Variants in SDK1 observed in about 807,000 individuals in gnomAD.
The protein encoded by SDK1 is protein sidekick-1.
A neutral mutation model predicts 245.5 loss-of-function variants in SDK1; 157 were observed. The ratio of observed to expected loss-of-function variants is 0.64; its 90% CI spans 0.56 to 0.73. SDK1 has a LOEUF of 0.73. Ranked by LOEUF, SDK1 falls within the 30% of genes least tolerant of loss-of-function variation. The probability of loss-of-function intolerance (pLI) is 0.00; values close to 1 mark genes in which losing one functional copy is unlikely to be tolerated. For synonymous variants in SDK1, 1,647 were observed against 1,278.5 expected (o/e 1.29, Z -6.15); for missense variants, 3,583 against 3,002.3 (o/e 1.19, Z -4.52).
chr7:3,567,923 C>A (rs1215732136), intron 1 of SDK1, among the ~76,000 whole-genome samples: 1 of 152,188 alleles, frequency 6.6e-6, no homozygotes, highest in Admixed American at 6.5e-5. Context: ...GTGGGCTGAT[C>A]TTCCCACCTC....
intron 28 of SDK1, among the ~76,000 whole-genome samples, chr7:4,143,057 C>T (rs990226323): frequency 3.9e-5 from 6 of 152,122 alleles, no homozygotes; most frequent in Admixed American, 6.5e-5. Context: ...CTGAGGCACA[C>T]GCTGTAGGTA....
intron 7 of SDK1, chr7:3,958,185 C>G (rs1781411986): frequency 6.1e-6 from 2 of 329,446 alleles, no homozygotes; most frequent in Non-Finnish European, 1.2e-5. Context: ...AACACAACAG[C>G]CTTTTGTTAT....
At chr7:3,986,263 A>G (rs1254259319) in intron 13 of SDK1, among the ~76,000 whole-genome samples, 2 of 151,766 alleles carry the variant, frequency 1.3e-5, no homozygotes, top group African/African-American at 4.8e-5. Flanking sequence ...TTTCCATTTC[A>G]TAGCCTTGCT....
At chr7:3,646,301 A>C (rs1782833167) in intron 4 of SDK1, among the ~76,000 whole-genome samples, 1 of 151,616 alleles carries the variant, frequency 6.6e-6, no homozygotes, top group Non-Finnish European at 1.5e-5. Flanking sequence ...TGTGGGCTTT[A>C]GGCTTATAAT....
intron 1 of SDK1, among the ~76,000 whole-genome samples, chr7:3,564,660 T>G (rs1370543654): frequency 6.6e-6 from 1 of 151,950 alleles, no homozygotes; most frequent in Non-Finnish European, 1.5e-5. Context: ...GTAAAAATTA[T>G]CCTAAGAAAT....
chr7:3,654,265 C>T (rs1428513076), intron 4 of SDK1, among the ~76,000 whole-genome samples: 2 of 152,162 alleles, frequency 1.3e-5, no homozygotes, highest in African/African-American at 4.8e-5. Context: ...CAGCGGGAGT[C>T]CCCTTGTCTG....
intron 19 of SDK1, among the ~76,000 whole-genome samples, chr7:4,054,365 A>G (rs1400446436): frequency 1.3e-5 from 2 of 152,240 alleles, no homozygotes; most frequent in African/African-American, 4.8e-5. Context: ...ATAGTATTGC[A>G]TCACGTCCAG....
rs371440318 is a variant in SDK1, at chr7:3,726,035, A to C, written c.713+83930A>C. Reference sequence around the variant, plus strand: ...GGGAAAATAAATTGCTGATTTGCTAAGTGTGCTTGAAGCAATATCACCTTA... The same window carrying C: ...GGGAAAATAAATTGCTGATTTGCTACGTGTGCTTGAAGCAATATCACCTTA... On this transcript the variant is annotated intron_variant, in intron 4 of 44. Coordinates refer to ENST00000404826, the MANE Select transcript of SDK1 (RefSeq NM_152744.4). 1.8e-4 allele frequency among the ~76,000 whole-genome samples: 27 copies of C among 152,362 alleles called. No homozygotes were observed. The East Asian group carries it at 2.7e-3, about 15-fold the overall frequency.
intron 41 of SDK1, among the ~76,000 whole-genome samples, chr7:4,234,340 C>T (rs939132947): frequency 6.6e-6 from 1 of 152,156 alleles, no homozygotes; most frequent in East Asian, 1.9e-4. Flanking sequence ...AGGGGAGTGG[C>T]AGAGAAGGCC....
At position 3,957,011 on chromosome 7, in the gene SDK1, T is replaced by C. The variant is rs575757230; in HGVS notation, c.1151-1920T>C. 1.2e-4 allele frequency among the ~76,000 whole-genome samples: 18 copies of C among 152,334 alleles called. No individual in the cohort carries two copies. In the South Asian group the frequency reaches 2.9e-3, roughly 25 times the overall value. ...GCCGACCATTGTTATCTATGGATTT[T>C]GTATCATCAAAGCACAGGTCATCTT... On this transcript the variant is annotated intron_variant, in intron 7 of 44. Transcript: ENST00000404826.
At chr7:4,212,387 C>G (rs996738685) in intron 38 of SDK1, among the ~76,000 whole-genome samples, 7 of 152,060 alleles carry the variant, frequency 4.6e-5, no homozygotes, top group Non-Finnish European at 1.0e-4. Flanking sequence ...TGAGCTGCAT[C>G]CCAAATCGGA....
intron 4 of SDK1, among the ~76,000 whole-genome samples, chr7:3,704,590 G>A (rs996043149): frequency 6.6e-6 from 1 of 151,984 alleles, no homozygotes; most frequent in Non-Finnish European, 1.5e-5. Context: ...GGATATCAGT[G>A]CTTTGCTGGA....
chr7:3,527,317 C>A (rs539602775), intron 1 of SDK1, among the ~76,000 whole-genome samples: 2 of 152,256 alleles, frequency 1.3e-5, no homozygotes, highest in East Asian at 3.9e-4. Context: ...GATAGAGCTG[C>A]AGAGTGTTGA....
Position 4,145,902 on chromosome 7 carries a change from C to A in SDK1, c.4409C>A (p.Thr1470Asn), listed in dbSNP as rs749003310. 1 of 1,608,028 alleles carries A rather than the reference C, an allele frequency of 6.2e-7. No homozygotes were observed. The highest frequency in any genetic ancestry group is 2.2e-5 in the East Asian group (1 of 44,804). Residue 1470 changes from threonine (T) to asparagine (N), a missense_variant, in exon 29 of 45, where the codon ACC becomes AAC. By Grantham distance (65) the Thr-to-Asn change is moderately conservative (BLOSUM62 0). Coordinates refer to ENST00000404826, the MANE Select transcript of SDK1 (RefSeq NM_152744.4). Reference protein sequence around the residue: ...WGEPLEATVITTEKRERPAPP... With the variant: ...WGEPLEATVINTEKRERPAPP... ...GAGCCACTGGAGGCCACCGTCATCACCACCGAGAAGAGAGGTAAGACCTTG... is the reference window on the plus strand; with the variant it reads ...GAGCCACTGGAGGCCACCGTCATCAACACCGAGAAGAGAGGTAAGACCTTG...
intron 5 of SDK1, among the ~76,000 whole-genome samples, chr7:3,851,822 G>A (rs1780426801): frequency 1.3e-5 from 2 of 152,066 alleles, no homozygotes; most frequent in South Asian, 4.1e-4. Context: ...ATCCCTAGAG[G>A]AAGAAAAATA....
chr7:4,010,398 G>A (rs1457829211), intron 14 of SDK1, among the ~76,000 whole-genome samples: 1 of 152,222 alleles, frequency 6.6e-6, no homozygotes, highest in African/African-American at 2.4e-5. Context: ...TGGGTGGGAA[G>A]ATATTCTAAG....
chr7:3,338,316 T>C, intron 1 of SDK1: 1 of 495,350 alleles, frequency 2.0e-6, no homozygotes, highest in East Asian at 4.8e-5. Flanking sequence ...TGCAAGAGTC[T>C]ACGATGTTAC....
intron 22 of SDK1, among the ~76,000 whole-genome samples, chr7:4,104,134 A>G (rs1782756795): frequency 6.6e-6 from 1 of 152,182 alleles, no homozygotes; most frequent in South Asian, 2.1e-4. Context: ...ATCACCACTC[A>G]CTGCAGCCTA....
intron 5 of SDK1, among the ~76,000 whole-genome samples, chr7:3,893,950 C>T (rs1337446099): frequency 6.6e-6 from 1 of 152,144 alleles, no homozygotes; most frequent in African/African-American, 2.4e-5. Flanking sequence ...TCTGAACTGC[C>T]TGTGATGTCC....
Sources: gnomAD v4.1 joint callset for allele counts (sites outside exome capture counted in the v4.1 genomes callset) on GRCh38, gnomAD v4.1.1 for gene constraint, MANE v1.5 for transcripts, NCBI Gene and HGNC (gene_info 2026-07-23, HGNC 2026-07-21) for gene names.